Variants in CSMD1 observed in about 807,000 individuals in gnomAD.
CSMD1 encodes CUB and Sushi multiple domains 1.
A neutral mutation model predicts 417.5 loss-of-function variants in CSMD1; 213 were observed. That is an observed-to-expected ratio of 0.51 (90% CI 0.46 to 0.57). CSMD1 has a LOEUF of 0.57. CSMD1 is among the 20% of genes least tolerant of loss of function. CSMD1 has a pLI of 0.00. For missense variants in CSMD1, 6,923 were observed against 4,529.7 expected (o/e 1.53, Z -15.17); for synonymous variants, 2,862 against 1,736.8 (o/e 1.65, Z -16.11).
intron 15 of CSMD1, among the ~76,000 whole-genome samples, chr8:3,402,470 C>T (rs1049090998): frequency 3.3e-5 from 5 of 152,048 alleles, no homozygotes; most frequent in South Asian, 4.1e-4. Context: ...TTGAGGAATA[C>T]GAGCCTGTTA....
chr8:3,660,817 G>T lies in CSMD1; in HGVS notation c.1010-44020C>A, dbSNP rs956731940. On this transcript the variant is annotated intron_variant, in intron 7 of 69. Transcript: ENST00000635120. Reference sequence around the variant, plus strand: ...ATCACAGGCGTGAGCCACCCCGCCCGACTGACTTTTTCTTAACTCATGAGG... The same window carrying T: ...ATCACAGGCGTGAGCCACCCCGCCCTACTGACTTTTTCTTAACTCATGAGG... 4.6e-5 allele frequency among the ~76,000 whole-genome samples: 7 copies of T among 152,074 alleles called. No homozygotes were observed. In the East Asian group the frequency reaches 9.6e-4, roughly 21 times the overall value.
At chr8:4,461,655 A>G (rs1485654056) in intron 2 of CSMD1, among the ~76,000 whole-genome samples, 6 of 151,784 alleles carry the variant, frequency 4.0e-5, no homozygotes, top group Non-Finnish European at 7.4e-5. Flanking sequence ...GGCTCAAGCA[A>G]TCCTCCCACC....
At chr8:4,194,027 CATG>C (rs1331383419) in intron 3 of CSMD1, among the ~76,000 whole-genome samples, 2 of 151,970 alleles carry the variant, frequency 1.3e-5, no homozygotes, top group Non-Finnish European at 2.9e-5. Flanking sequence ...ATATTTAAGG[CATG>C]ATATTAAAAT....
At chr8:2,961,466 T>C (rs930952360) in intron 61 of CSMD1, among the ~76,000 whole-genome samples, 4 of 151,540 alleles carry the variant, frequency 2.6e-5, no homozygotes, top group South Asian at 2.1e-4. Context: ...TGCATTTTTT[T>C]TCCATTCTCT....
intron 3 of CSMD1, among the ~76,000 whole-genome samples, chr8:4,173,255 G>C (rs1797864843): frequency 6.6e-6 from 1 of 152,124 alleles, no homozygotes; most frequent in South Asian, 2.1e-4. Flanking sequence ...GCAACATTTG[G>C]AATGTAATAA....
intron 3 of CSMD1, among the ~76,000 whole-genome samples, chr8:4,236,035 G>T (rs113448301): frequency 0.092 from 10,192 of 110,716 alleles, 584 homozygotes; most frequent in African/African-American, 0.16. Context: ...TGTTTTTTTT[G>T]TTTGTTTTTT....
intron 2 of CSMD1, among the ~76,000 whole-genome samples, chr8:4,569,696 T>A (rs1456850018): frequency 6.6e-6 from 1 of 152,208 alleles, no homozygotes; most frequent in Non-Finnish European, 1.5e-5. Flanking sequence ...GGTAGCTTGA[T>A]GGGAATAGCA....
At chr8:4,462,636 A>T (rs1799904880) in intron 2 of CSMD1, among the ~76,000 whole-genome samples, 1 of 152,230 alleles carries the variant, frequency 6.6e-6, no homozygotes, top group African/African-American at 2.4e-5. Context: ...CTTGCATTAG[A>T]CACATGGATT....
chr8:3,173,192 A>G (rs1340930310), intron 37 of CSMD1, among the ~76,000 whole-genome samples: 1 of 152,168 alleles, frequency 6.6e-6, no homozygotes, highest in Non-Finnish European at 1.5e-5. Context: ...CCAAAATATC[A>G]CCAGTAGGAG....
At chr8:4,245,329 G>A (rs987755223) in intron 3 of CSMD1, among the ~76,000 whole-genome samples, 4 of 152,174 alleles carry the variant, frequency 2.6e-5, no homozygotes, top group African/African-American at 7.2e-5. Flanking sequence ...GGGCTTGTGA[G>A]GCTGCAGAGG....
At chr8:3,858,843 T>C (rs1181805661) in intron 5 of CSMD1, among the ~76,000 whole-genome samples, 3 of 152,302 alleles carry the variant, frequency 2.0e-5, no homozygotes, top group South Asian at 2.1e-4. Context: ...TGTTGCATTT[T>C]TGTTTCTGTA....
At chr8:4,099,147 C>G (rs1801173250) in intron 3 of CSMD1, among the ~76,000 whole-genome samples, 1 of 151,576 alleles carries the variant, frequency 6.6e-6, no homozygotes, top group African/African-American at 2.4e-5. Context: ...CTTTCAGGCC[C>G]CAACCATGCA....
At chr8:4,766,931 G>A (rs1297030340) in intron 1 of CSMD1, among the ~76,000 whole-genome samples, 1 of 152,118 alleles carries the variant, frequency 6.6e-6, no homozygotes, top group South Asian at 2.1e-4. Context: ...TTAAAAATAT[G>A]TACAGAGACA....
intron 3 of CSMD1, among the ~76,000 whole-genome samples, chr8:4,255,724 CA>C (rs1239003736): frequency 6.6e-6 from 1 of 152,186 alleles, no homozygotes; most frequent in African/African-American, 2.4e-5. Context: ...GTTATTTCTA[CA>C]AAATCTAAGC....
chr8:3,967,942 C>A (rs890517277), intron 5 of CSMD1, among the ~76,000 whole-genome samples: 6 of 144,740 alleles, frequency 4.1e-5, no homozygotes, highest in Non-Finnish European at 7.5e-5. Flanking sequence ...CCGAGGTGTG[C>A]GGATCACGAG....
chr8:4,127,453 GAAAAAAAAAAAAAAA>G (rs199764792), intron 3 of CSMD1, among the ~76,000 whole-genome samples: 54 of 102,744 alleles, frequency 5.3e-4, no homozygotes, highest in African/African-American at 1.7e-3. Context: ...AAGCATTAAT[GAAAAAAAAAAAAAAA>G]AAAAAAAAAA....
At chr8:3,803,121 T>C (rs1236063253) in intron 5 of CSMD1, among the ~76,000 whole-genome samples, 3 of 152,210 alleles carry the variant, frequency 2.0e-5, no homozygotes, top group South Asian at 2.1e-4. Context: ...TCATGCTGTC[T>C]CTTTGAAGGA....
chr8:3,571,476 A>C (rs1260201666), intron 10 of CSMD1, among the ~76,000 whole-genome samples: 1 of 152,216 alleles, frequency 6.6e-6, no homozygotes, highest in African/African-American at 2.4e-5. Flanking sequence ...CAAGGACAGC[A>C]GAGATTTACC....
At chr8:4,142,234 C>T (rs532155421) in intron 3 of CSMD1, among the ~76,000 whole-genome samples, 2 of 151,176 alleles carry the variant, frequency 1.3e-5, no homozygotes, top group African/African-American at 4.9e-5. Flanking sequence ...TATAGTGATA[C>T]TTAATTTACT....
Sources: gnomAD v4.1 joint callset for allele counts (sites outside exome capture counted in the v4.1 genomes callset) on GRCh38, gnomAD v4.1.1 for gene constraint, MANE v1.5 for transcripts, NCBI Gene and HGNC (gene_info 2026-07-23, HGNC 2026-07-21) for gene names.